The following SORCS2 variants were observed in gnomAD, a reference collection of about 807,000 sequenced individuals.
SORCS2 encodes VPS10 domain-containing receptor SorCS2.
In SORCS2, 100 loss-of-function variants were observed where a neutral mutation model predicts 141.6. The observed-to-expected ratio is 0.71, with a 90% CI of 0.60 to 0.83. The LOEUF (loss-of-function observed/expected upper bound fraction) is 0.83. Ranked by LOEUF, SORCS2 falls within the 40% of genes least tolerant of loss-of-function variation. The pLI is 0.00. For missense variants in SORCS2, 1,646 were observed against 1,560.2 expected (o/e 1.05, Z -0.93); for synonymous variants, 789 against 676.9 (o/e 1.17, Z -2.57).
chr4:7,625,286 G>A (rs866259113), intron 3 of SORCS2, among the ~76,000 whole-genome samples: 5 of 152,110 alleles, frequency 3.3e-5, no homozygotes, highest in Non-Finnish European at 5.9e-5. Context: ...CGCCAGCTCC[G>A]AGTCAGACAG....
At chr4:7,519,035 C>A (rs951323596) in intron 2 of SORCS2, among the ~76,000 whole-genome samples, 3 of 152,174 alleles carry the variant, frequency 2.0e-5, no homozygotes, top group African/African-American at 7.2e-5. Flanking sequence ...TCCCAGCTGG[C>A]TGGCATGGGA....
intron 2 of SORCS2, among the ~76,000 whole-genome samples, chr4:7,473,594 C>G (rs16840348): frequency 0.13 from 19,517 of 151,934 alleles, 1,664 homozygotes; most frequent in South Asian, 0.24. Context: ...AGACTGGAAA[C>G]CCAAGACAGA....
At chr4:7,253,195 C>T (rs921582573) in intron 1 of SORCS2, among the ~76,000 whole-genome samples, 1 of 152,248 alleles carries the variant, frequency 6.6e-6, no homozygotes. Context: ...CAGGTCTTAT[C>T]GCCATCCCTG....
chr4:7,579,990 G>A (rs372159945), intron 3 of SORCS2, among the ~76,000 whole-genome samples: 1 of 152,126 alleles, frequency 6.6e-6, no homozygotes, highest in Admixed American at 6.5e-5. Flanking sequence ...CAAGGAAGTG[G>A]GGACATGCTT....
chr4:7,442,578 C>A (rs1445721682), intron 2 of SORCS2, among the ~76,000 whole-genome samples: 1 of 114,046 alleles, frequency 8.8e-6, no homozygotes, highest in African/African-American at 3.8e-5. Flanking sequence ...TCATCCACCT[C>A]CTGTCACAGC....
chr4:7,307,153 C>A (rs1275943764), intron 1 of SORCS2, among the ~76,000 whole-genome samples: 1 of 152,186 alleles, frequency 6.6e-6, no homozygotes, highest in South Asian at 2.1e-4. Context: ...CTGAAGGCGA[C>A]GCCAGCCTCA....
At chr4:7,504,424 A>G (rs1732159386) in intron 2 of SORCS2, among the ~76,000 whole-genome samples, 1 of 152,236 alleles carries the variant, frequency 6.6e-6, no homozygotes, top group Non-Finnish European at 1.5e-5. Context: ...GGTGCTGGGC[A>G]CTGCACTGGG....
chr4:7,304,792 C>T (rs1717672021), intron 1 of SORCS2, among the ~76,000 whole-genome samples: 1 of 152,198 alleles, frequency 6.6e-6, no homozygotes, highest in Non-Finnish European at 1.5e-5. Context: ...CAAAGGGCTC[C>T]AGCTGCAGAA....
chr4:7,695,928 G>GT (rs1724674207), intron 11 of SORCS2, among the ~76,000 whole-genome samples: 1 of 65,320 alleles, frequency 1.5e-5, no homozygotes, highest in Admixed American at 1.5e-4. Context: ...GGATGGATTG[G>GT]TGGGTGGGTG....
chr4:7,664,338 G>A lies in SORCS2; in HGVS notation c.953-15G>A, dbSNP rs375962255. The A allele has an allele frequency of 1.5e-5, 24 of 1,607,146 alleles. No homozygotes were observed. The highest frequency in any genetic ancestry group is 1.0e-4 in the Admixed American group (6 of 59,652). On this transcript the variant is annotated splice_polypyrimidine_tract_variant and intron_variant, in intron 6 of 26. Transcript: ENST00000507866. This position sits in a 1 kb window ranked among gnomAD's most constrained non-coding sequence, Gnocchi z 4.7. ...CTGGAGTCTGACCGCCTGGGTCGGC[G>A]CCTCTCTCCTGTAGATTTTCGGTAC...
At chr4:7,612,607 G>A (rs1718484022) in intron 3 of SORCS2, among the ~76,000 whole-genome samples, 1 of 152,192 alleles carries the variant, frequency 6.6e-6, no homozygotes, top group South Asian at 2.1e-4. Flanking sequence ...GCCCCACGCA[G>A]TGACTCGGCT....
chr4:7,394,623 CG>C (rs199927497), intron 1 of SORCS2, among the ~76,000 whole-genome samples: 2,438 of 151,832 alleles, frequency 0.016, 62 homozygotes, highest in African/African-American at 0.056. Flanking sequence ...ACTCTCCCCT[CG>C]AGGGAGGGGG....
At chr4:7,389,495 A>G (rs56052322) in intron 1 of SORCS2, among the ~76,000 whole-genome samples, 31,185 of 151,948 alleles carry the variant, frequency 0.21, 4,208 homozygotes, top group Middle Eastern at 0.32. Context: ...GTGAGGAAAG[A>G]CCTCACCAGG....
chr4:7,496,340 C>T (rs796354585), intron 2 of SORCS2, among the ~76,000 whole-genome samples: 22 of 152,128 alleles, frequency 1.4e-4, no homozygotes, highest in South Asian at 4.2e-4. Flanking sequence ...AATGAGGATT[C>T]GCGCCTGGGT....
intron 3 of SORCS2, among the ~76,000 whole-genome samples, chr4:7,578,722 G>A (rs1430246971): frequency 1.3e-5 from 2 of 152,170 alleles, no homozygotes; most frequent in Non-Finnish European, 2.9e-5. Context: ...CCGACTTGAC[G>A]GCTTTGACAG....
chr4:7,478,015 G>A (rs1162037317), intron 2 of SORCS2, among the ~76,000 whole-genome samples: 1 of 152,132 alleles, frequency 6.6e-6, no homozygotes, highest in Admixed American at 6.5e-5. Flanking sequence ...TAGGCTGCTG[G>A]AGCCCCAGGG....
chr4:7,671,277 T>C (rs936748993), intron 8 of SORCS2, among the ~76,000 whole-genome samples: 6 of 152,036 alleles, frequency 3.9e-5, no homozygotes, highest in Admixed American at 2.0e-4. Context: ...GACTCAACTG[T>C]CCAGTTTTTG....
chr4:7,611,618 A>T (rs558994408), intron 3 of SORCS2, among the ~76,000 whole-genome samples: 1 of 152,192 alleles, frequency 6.6e-6, no homozygotes, highest in Non-Finnish European at 1.5e-5. Context: ...CCACTGCCCA[A>T]TATGTCAGGA....
In SORCS2 at chr4:7,327,725, G is replaced by A. The variant is rs185843222; in HGVS notation, c.481-68563G>A. Among the ~76,000 whole-genome samples the A allele has an allele frequency of 3.8e-3, 573 of 152,260 alleles. 1 individual carries two copies. Among genetic ancestry groups the A allele is most frequent in the African/African-American group, 0.013 (546 of 41,560 alleles). On this transcript the variant is annotated intron_variant, in intron 1 of 26. Coordinates refer to ENST00000507866, the MANE Select transcript of SORCS2 (RefSeq NM_020777.3). ...CCCGTCAGACCCTTTGGTGTCCTTC[G>A]AGGCCCAGCCTCTCTGTGGCTTCCC...
Sources: gnomAD v4.1 joint callset for allele counts (sites outside exome capture counted in the v4.1 genomes callset) on GRCh38, gnomAD v4.1.1 for gene constraint, Gnocchi (gnomAD v3.1) non-coding constraint, MANE v1.5 for transcripts, NCBI Gene and HGNC (gene_info 2026-07-23, HGNC 2026-07-21) for gene names.